The following RBMX variants were observed in gnomAD, a reference collection of about 807,000 sequenced individuals.
RBMX encodes the protein RNA binding motif protein X-linked.
Under a neutral mutation model 29.3 loss-of-function variants are expected in RBMX, and 1 was observed. The observed-to-expected ratio is 0.03, with a 90% confidence interval of 0.01 to 0.16. The LOEUF is 0.16. Among genes scored for constraint, RBMX ranks in the 10% least tolerant of loss-of-function variants. The pLI is 1.00. For missense variants in RBMX, 121 were observed against 333.2 expected, an observed-to-expected ratio of 0.36 and a Z score of 4.96; for synonymous variants, 102 against 102.3, an observed-to-expected ratio of 1.00 and a Z score of 0.02.
downstream of RBMX, chrX:136,872,138 C>T (rs986657881): frequency 2.9e-4 from 144 of 501,068 alleles, 2 homozygotes; most frequent in African/African-American, 3.4e-3. Context: ...CACTTAACTT[C>T]ATCAATTCCA....
In RBMX at chrX:136,874,465, T is replaced by C; in HGVS notation, c.866-13A>G. On this transcript the variant is annotated splice_polypyrimidine_tract_variant and intron_variant, in intron 8 of 8. Transcript: ENST00000320676. The stretch of plus-strand genomic sequence containing the variant: ...CTACGTGAGTTACCTGCAGGGTCAA[T>C]GGTCAGGTAATATGGCAACACTATA... The C allele has an allele frequency of 3.4e-6, 4 of 1,170,494 alleles. No individual in the cohort carries two copies. The highest frequency in any genetic ancestry group is 4.6e-6 in the Non-Finnish European group (4 of 869,465).
intron 6 of RBMX, 32 bp downstream of exon 6, chrX:136,875,436 AATT>A: frequency 8.3e-7 from 1 of 1,206,573 alleles, no homozygotes; most frequent in Non-Finnish European, 1.1e-6. Context: ...CTTCAACCTT[AATT>A]ATTAATTTAA....
downstream of RBMX, among the ~76,000 whole-genome samples, chrX:136,871,062 TGAG>T (rs749598132): frequency 9.3e-6 from 1 of 107,212 alleles, no homozygotes; most frequent in East Asian, 2.9e-4. Context: ...TGCAGTGAGC[TGAG>T]ATCACACCAT....
Position 136,878,890 on chromosome X carries a change from G to T in RBMX, c.216+127C>A. 3 of 822,546 alleles carry T rather than the reference G, an allele frequency of 3.6e-6. 1 individual carries two copies. Among genetic ancestry groups the T allele is most frequent in the Non-Finnish European group, 5.1e-6 (3 of 587,208 alleles). 67.8% of individuals were successfully genotyped at this position (822,546 alleles called of 1,213,427 possible). On this transcript the variant is annotated intron_variant, in intron 3 of 8. Coordinates refer to ENST00000320676, the MANE Select transcript of RBMX (RefSeq NM_002139.4). ...GAACAGGATCACAAACAGGATGAGTGGATCCCAGACAGGTATATACTGAAA... is the reference window on the plus strand; with the variant it reads ...GAACAGGATCACAAACAGGATGAGTTGATCCCAGACAGGTATATACTGAAA...
chrX:136,874,839 G>T, intron 8 of RBMX: 2 of 460,037 alleles, frequency 4.3e-6, no homozygotes. Flanking sequence ...ACTGTTGGGG[G>T]AAAACACATA....
intron 1 of RBMX, 146 bp from the exon 2 acceptor site, chrX:136,879,599 A>G (rs2077776652): frequency 1.9e-6 from 1 of 519,311 alleles, no homozygotes; most frequent in Non-Finnish European, 3.1e-6. Flanking sequence ...AGCCTCAGCC[A>G]CAGTAGGAAG....
chrX:136,872,447 A>T, downstream of RBMX: 3 of 679,251 alleles, frequency 4.4e-6, no homozygotes, highest in Non-Finnish European at 6.9e-6. Flanking sequence ...AGGCAAGTTC[A>T]GACTTGCAGC....
chrX:136,879,592 C>T, intron 1 of RBMX, 139 bp from the exon 2 acceptor site: 1 of 542,398 alleles, frequency 1.8e-6, no homozygotes. Flanking sequence ...CGAGCTAAGC[C>T]TCAGCCACAG....
downstream of RBMX, chrX:136,870,231 A>C (rs2077676662): frequency 8.9e-6 from 1 of 112,273 alleles, no homozygotes; most frequent in South Asian, 3.7e-4. Flanking sequence ...CATTTGGTCA[A>C]TTACTTGCTT....
rs761909693 is a variant in RBMX, at chrX:136,879,002, T to C, written c.216+15A>G. The C allele has an allele frequency of 4.1e-6, 5 of 1,209,416 alleles. No individual in the cohort carries two copies. The East Asian group carries it at 1.2e-4, about 29-fold the overall frequency. On this transcript the variant is annotated intron_variant, in intron 3 of 8. Transcript: ENST00000320676. ...ACTAGTAACAGGTTATCATCCATCG[T>C]GTAGACAATCTCACCTTTCCATTCA...
chrX:136,876,510 T>G lies in RBMX; in HGVS notation c.534A>C (p.Gly178=). The G allele has an allele frequency of 8.4e-7, 1 of 1,185,263 alleles. No homozygotes were observed. Among genetic ancestry groups the G allele is most frequent in the Non-Finnish European group, 1.1e-6 (1 of 886,250 alleles). Residue 178 remains glycine (G), a synonymous_variant, in exon 5 of 9, where the codon GGA becomes GGC. Coordinates refer to ENST00000320676, the MANE Select transcript of RBMX (RefSeq NM_002139.4). ...SGPVRSSSGM[G]GRAPVSRGRD... ...CATACATGGAACATTTACCTCTTCC[T>G]CCCATTCCACTGCTACTGCGAACTG...
At chrX:136,874,744 T>C (rs921985964) in intron 8 of RBMX, 1 of 385,376 alleles carries the variant, frequency 2.6e-6, no homozygotes. Context: ...CAGTGATAAG[T>C]TGCAATTTTG....
At chrX:136,875,639 T>A (rs1334513539) in intron 5 of RBMX, 54 bp from the exon 6 acceptor site, 2 of 1,173,776 alleles carry the variant, frequency 1.7e-6, no homozygotes, top group African/African-American at 3.6e-5. Flanking sequence ...AGTTAAAACG[T>A]GAACTTACAT....
chrX:136,877,258 G>A (rs2077739858), intron 4 of RBMX, among the ~76,000 whole-genome samples: 1 of 102,339 alleles, frequency 9.8e-6, no homozygotes, highest in Admixed American at 1.1e-4. Flanking sequence ...CCTGAACCTG[G>A]AAGGCAGAGG....
Position 136,879,370 on chromosome X carries a change from T to C in RBMX, c.58A>G (p.Asn20Asp). 8.3e-7 allele frequency: 1 copy of C among 1,209,841 alleles called. No homozygotes were observed. The change falls in exon 2 of 9, where the codon AAT becomes GAT. Residue 20 changes from asparagine to aspartate, a missense_variant. Asn to Asp is a conservative substitution (Grantham distance 23). This residue lies in a region of RBMX where 7 missense variants were observed against 73.3 expected (regional missense o/e 0.10). Transcript: ENST00000320676. ...AATACTGCTTCAAGAGCTTTCTCAT[T>C]TGTTTCCGTATTAAGCCCACCAATG... ...LFIGGLNTETNEKALEAVFGK... is the reference protein window; with the variant it reads ...LFIGGLNTETDEKALEAVFGK...
chrX:136,875,168 G>A lies in RBMX; in HGVS notation c.783C>T (p.Ser261=), dbSNP rs755681436. The change falls in exon 8 of 9, where the codon AGC becomes AGT. Residue 261 remains serine, a splice_region_variant and synonymous_variant. Coordinates refer to ENST00000320676, the MANE Select transcript of RBMX (RefSeq NM_002139.4). ...SRDDYPSRGY[S]DRDGYGRDRD... ...GATCACGACCATATCCATCTCTATC[G>A]CTAAATTAAAGAGAAACCTTTAAGT... The A allele has an allele frequency of 7.8e-5, 94 of 1,209,677 alleles. No homozygotes were observed. The South Asian group carries it at 1.2e-3, about 16-fold the overall frequency.
intron 4 of RBMX, 108 bp downstream of exon 4, chrX:136,877,807 T>C: frequency 1.3e-6 from 1 of 755,321 alleles, no homozygotes; most frequent in Non-Finnish European, 1.9e-6. Context: ...GTGTTGTCAA[T>C]TTCAAAAGTT....
chrX:136,877,351 C>A (rs1482932102), intron 4 of RBMX, among the ~76,000 whole-genome samples: 1 of 73,475 alleles, frequency 1.4e-5, no homozygotes, highest in Admixed American at 2.1e-4. Context: ...CAAAAAAAAA[C>A]CATTATTGAT....
downstream of RBMX, among the ~76,000 whole-genome samples, chrX:136,870,718 C>A (rs2077678603): frequency 9.9e-6 from 1 of 100,993 alleles, no homozygotes; most frequent in Non-Finnish European, 2.0e-5. Flanking sequence ...GTAGTCCCAG[C>A]TACTTGGGGA....
Sources: gnomAD v4.1 joint callset for allele counts (sites outside exome capture counted in the v4.1 genomes callset) on GRCh38, gnomAD v4.1.1 for gene constraint, gnomAD v4.1.1 regional missense constraint, MANE v1.5 for transcripts, NCBI Gene and HGNC (gene_info 2026-07-23, HGNC 2026-07-21) for gene names.